The following DOCK4 variants were observed in gnomAD, a reference collection of about 807,000 sequenced individuals.
DOCK4 encodes dedicator of cytokinesis protein 4.
Under a neutral mutation model 268.1 loss-of-function variants are expected in DOCK4, and 97 were observed. That is an observed-to-expected ratio of 0.36 (90% CI 0.31 to 0.43). The LOEUF (loss-of-function observed/expected upper bound fraction) is 0.43. Ranked by LOEUF, DOCK4 falls within the 20% of genes least tolerant of loss-of-function variation. DOCK4 has a pLI of 1.00. For missense variants in DOCK4, 2,145 were observed against 2,455.7 expected (o/e 0.87, Z 2.67); for synonymous variants, 954 against 887.2 (o/e 1.08, Z -1.34).
chr7:112,100,099 T>G (rs567117671), intron 1 of DOCK4, among the ~76,000 whole-genome samples: 2 of 152,232 alleles, frequency 1.3e-5, no homozygotes, highest in Non-Finnish European at 2.9e-5. Flanking sequence ...GTTTCAAACC[T>G]ACGTATGCTA....
At chr7:111,953,327 C>T (rs955240743) in intron 8 of DOCK4, among the ~76,000 whole-genome samples, 8 of 152,026 alleles carry the variant, frequency 5.3e-5, no homozygotes, top group East Asian at 1.9e-4. Context: ...GTAAGATGGA[C>T]GAAGGAATAA....
chr7:112,035,950 T>A (rs188582202), intron 1 of DOCK4, among the ~76,000 whole-genome samples: 64 of 152,180 alleles, frequency 4.2e-4, no homozygotes, highest in African/African-American at 1.4e-3. Context: ...TGATCTGGGA[T>A]CTTAAAAGAA....
At chr7:112,091,676 C>G (rs1316333923) in intron 1 of DOCK4, among the ~76,000 whole-genome samples, 1 of 152,104 alleles carries the variant, frequency 6.6e-6, no homozygotes, top group Admixed American at 6.6e-5. Flanking sequence ...CTGAAAAGAG[C>G]AGAGGCAACT....
chr7:111,872,649 C>T, intron 17 of DOCK4, 85 bp from the exon 18 acceptor site: 10 of 1,164,100 alleles, frequency 8.6e-6, no homozygotes, highest in Non-Finnish European at 1.2e-5. Context: ...AAGTAAAATT[C>T]TTAACACATG....
At chr7:111,941,111 A>T in intron 10 of DOCK4, among the ~76,000 whole-genome samples, 1 of 152,218 alleles carries the variant, frequency 6.6e-6, no homozygotes, top group South Asian at 2.1e-4. Context: ...TCAGTAGTAA[A>T]GGAAAACTAC....
intron 1 of DOCK4, among the ~76,000 whole-genome samples, chr7:112,111,529 C>T (rs1451510228): frequency 1.3e-5 from 2 of 151,912 alleles, no homozygotes; most frequent in African/African-American, 4.9e-5. Flanking sequence ...CTTTTGTTAT[C>T]TTGCCATTTT....
chr7:112,026,736 T>C (rs1802830560), intron 1 of DOCK4, among the ~76,000 whole-genome samples: 1 of 152,226 alleles, frequency 6.6e-6, no homozygotes, highest in Non-Finnish European at 1.5e-5. Context: ...CAGAGTCCTG[T>C]GGTCGGAACA....
chr7:111,998,559 A>G, intron 3 of DOCK4, 56 bp from the exon 4 acceptor site: 1 of 1,428,234 alleles, frequency 7.0e-7, no homozygotes, highest in Non-Finnish European at 9.5e-7. Flanking sequence ...GGTTGGTTTC[A>G]CAAGTCATTT....
At chr7:112,174,939 C>CTTTTT (rs368676870) in intron 1 of DOCK4, among the ~76,000 whole-genome samples, 2 of 131,286 alleles carry the variant, frequency 1.5e-5, no homozygotes, top group African/African-American at 2.9e-5. Flanking sequence ...TCCCCTGGAA[C>CTTTTT]TTTTTTTTTT....
rs553672394 is a variant in DOCK4, at chr7:111,735,437, G to A, written c.5306-270C>T. Among the ~76,000 whole-genome samples the A allele has an allele frequency of 7.9e-5, 12 of 152,310 alleles. No homozygotes were observed. In the South Asian group the frequency reaches 1.4e-3, roughly 18 times the overall value. On this transcript the variant is annotated intron_variant, in intron 50 of 52. Transcript: ENST00000428084. ...TACACTGGGGTGTAAAACTTGCTGAGAATTACAAATGTGTTTAGATGCTGG... is the reference window on the plus strand; with the variant it reads ...TACACTGGGGTGTAAAACTTGCTGAAAATTACAAATGTGTTTAGATGCTGG...
chr7:111,816,127 C>G (rs927333514), intron 27 of DOCK4, among the ~76,000 whole-genome samples: 2 of 152,048 alleles, frequency 1.3e-5, no homozygotes, highest in Non-Finnish European at 2.9e-5. Context: ...TTCAAGCAAC[C>G]CTATTTCTCC....
chr7:111,830,692 C>T (rs1056258765), intron 26 of DOCK4, among the ~76,000 whole-genome samples: 2 of 152,100 alleles, frequency 1.3e-5, no homozygotes, highest in Non-Finnish European at 2.9e-5. Flanking sequence ...TTTAAACATG[C>T]TTAAGTCTCC....
At chr7:112,073,967 G>C (rs917227342) in intron 1 of DOCK4, among the ~76,000 whole-genome samples, 2 of 152,004 alleles carry the variant, frequency 1.3e-5, no homozygotes, top group Admixed American at 1.3e-4. Flanking sequence ...TACATGAATT[G>C]AATCTATACA....
In DOCK4 at chr7:111,728,080, C is replaced by T. The variant is rs1214089177; in HGVS notation, c.*194G>A. On this transcript the variant is annotated 3_prime_UTR_variant, in exon 53 of 53. Coordinates refer to ENST00000428084, the MANE Select transcript of DOCK4 (RefSeq NM_001363540.2). ...AACGTTTTAATGAAATTCAGCCATACTTCATTTAACATCTGGCGTTTTAGA... is the reference window on the plus strand; with the variant it reads ...AACGTTTTAATGAAATTCAGCCATATTTCATTTAACATCTGGCGTTTTAGA... 1 of 427,576 alleles carries T rather than the reference C, an allele frequency of 2.3e-6. No individual in the cohort carries two copies. 26.5% of individuals were successfully genotyped at this position (427,576 alleles called of 1,614,324 possible).
intron 4 of DOCK4, among the ~76,000 whole-genome samples, chr7:111,995,411 C>G (rs1799859598): frequency 9.0e-6 from 1 of 110,664 alleles, no homozygotes; most frequent in Admixed American, 1.2e-4. Context: ...CAAATTCTTT[C>G]TTTGTGTGTG....
chr7:111,822,501 T>C, intron 26 of DOCK4, 45 bp from the exon 27 acceptor site: 1 of 1,494,750 alleles, frequency 6.7e-7, no homozygotes, highest in Non-Finnish European at 9.2e-7. Flanking sequence ...TTATTGTAAC[T>C]GTCAACATAC....
chr7:112,059,504 T>C (rs1806188743), intron 1 of DOCK4, among the ~76,000 whole-genome samples: 1 of 152,236 alleles, frequency 6.6e-6, no homozygotes. Context: ...AGAAACGTAC[T>C]CTTTCACCTG....
At chr7:112,131,512 C>A (rs1813795121) in intron 1 of DOCK4, among the ~76,000 whole-genome samples, 1 of 152,172 alleles carries the variant, frequency 6.6e-6, no homozygotes, top group Non-Finnish European at 1.5e-5. Context: ...TATTTCTCCT[C>A]ATATCCCCAG....
At chr7:112,099,481 T>G (rs568813841) in intron 1 of DOCK4, among the ~76,000 whole-genome samples, 1 of 152,294 alleles carries the variant, frequency 6.6e-6, no homozygotes, top group African/African-American at 2.4e-5. Context: ...TGTATTTACT[T>G]GTGTTTACTC....
Sources: gnomAD v4.1 joint callset for allele counts (sites outside exome capture counted in the v4.1 genomes callset) on GRCh38, gnomAD v4.1.1 for gene constraint, MANE v1.5 for transcripts, NCBI Gene and HGNC (gene_info 2026-07-23, HGNC 2026-07-21) for gene names.